Variants in EPAS1 observed in about 807,000 individuals in gnomAD.
The protein encoded by EPAS1 is endothelial PAS domain-containing protein 1.
Under a neutral mutation model 87.9 loss-of-function variants are expected in EPAS1, and 23 were observed. The observed-to-expected ratio is 0.26, with a 90% CI of 0.19 to 0.37. The LOEUF is 0.37. Ranked by LOEUF, EPAS1 falls within the 10% of genes least tolerant of loss-of-function variation. EPAS1 has a pLI of 1.00. For missense variants in EPAS1, 1,138 were observed against 1,120.7 expected (o/e 1.02, Z -0.22); for synonymous variants, 508 against 444.3 (o/e 1.14, Z -1.80).
chr2:46,342,919 C>T lies in EPAS1; in HGVS notation c.27-3954C>T, dbSNP rs190689497. On this transcript the variant is annotated intron_variant, in intron 1 of 15. Coordinates refer to ENST00000263734, the MANE Select transcript of EPAS1 (RefSeq NM_001430.5). ...GTTGTTAACTTTAGCTGGGATCAAA[C>T]GTTTCAGAATGTGAGTTTCCACCTC... is the stretch of plus-strand genomic sequence containing the variant. Among the ~76,000 whole-genome samples, 63 of 152,204 alleles carry T rather than the reference C, an allele frequency of 4.1e-4. No individual in the cohort carries two copies. The East Asian group carries it at 0.011, about 27-fold the overall frequency.
chr2:46,323,686 A>G (rs765939071), intron 1 of EPAS1, among the ~76,000 whole-genome samples: 1 of 152,242 alleles, frequency 6.6e-6, no homozygotes, highest in Non-Finnish European at 1.5e-5. Flanking sequence ...TTCTTATGGC[A>G]TAAGAGACTG....
chr2:46,383,303 G>A (rs1684943030), intron 15 of EPAS1, among the ~76,000 whole-genome samples: 3 of 152,214 alleles, frequency 2.0e-5, no homozygotes, highest in Non-Finnish European at 4.4e-5. Context: ...AGCTCTGGTA[G>A]GCCCACCCCA....
At chr2:46,350,434 T>C (rs1428569809) in intron 2 of EPAS1, among the ~76,000 whole-genome samples, 1 of 152,254 alleles carries the variant, frequency 6.6e-6, no homozygotes, top group African/African-American at 2.4e-5. Context: ...CTGTTCTGTG[T>C]GGGAATGTTG....
chr2:46,376,847 T>G, intron 9 of EPAS1, 94 bp downstream of exon 9: 2 of 1,334,172 alleles, frequency 1.5e-6, no homozygotes, highest in Non-Finnish European at 2.1e-6. Flanking sequence ...CAGCTTTTTC[T>G]TAACCAGAGC....
At chr2:46,326,237 G>T (rs980789649) in intron 1 of EPAS1, among the ~76,000 whole-genome samples, 5 of 152,170 alleles carry the variant, frequency 3.3e-5, no homozygotes, top group Non-Finnish European at 5.9e-5. Context: ...GAAGCAGGGG[G>T]AGTGGGGAAT....
At chr2:46,311,773 G>C (rs1421656877) in intron 1 of EPAS1, among the ~76,000 whole-genome samples, 1 of 152,160 alleles carries the variant, frequency 6.6e-6, no homozygotes, top group Admixed American at 6.5e-5. Flanking sequence ...ACCTTGGCTA[G>C]TGAGATGTTG....
At chr2:46,304,738 A>G (rs1172908749) in intron 1 of EPAS1, among the ~76,000 whole-genome samples, 3 of 152,284 alleles carry the variant, frequency 2.0e-5, no homozygotes, top group East Asian at 1.9e-4. Flanking sequence ...TTCGGACTCC[A>G]TTGTGCAGGA....
chr2:46,379,818 G>A (rs1015452439), intron 11 of EPAS1: 2 of 273,990 alleles, frequency 7.3e-6, no homozygotes, highest in African/African-American at 2.2e-5. Context: ...GGAGGGAGAA[G>A]AGGACAAAAA....
At chr2:46,373,509 A>G (rs574401374) in intron 7 of EPAS1, among the ~76,000 whole-genome samples, 1 of 152,256 alleles carries the variant, frequency 6.6e-6, no homozygotes, top group South Asian at 2.1e-4. Flanking sequence ...TGCTGAGTGT[A>G]GAGAAGCCAG....
At chr2:46,372,389 C>A (rs895121283) in intron 7 of EPAS1, among the ~76,000 whole-genome samples, 1 of 152,200 alleles carries the variant, frequency 6.6e-6, no homozygotes, top group Non-Finnish European at 1.5e-5. Flanking sequence ...ACTGGAGGCT[C>A]AGGTTTGAGA....
chr2:46,383,873 C>T (rs1000897694), intron 15 of EPAS1, among the ~76,000 whole-genome samples: 2 of 152,124 alleles, frequency 1.3e-5, no homozygotes, highest in African/African-American at 2.4e-5. Flanking sequence ...GCCACTGGAA[C>T]GAGGCTCTGC....
chr2:46,305,352 T>A (rs2104837481), intron 1 of EPAS1, among the ~76,000 whole-genome samples: 1 of 152,348 alleles, frequency 6.6e-6, no homozygotes, highest in African/African-American at 2.4e-5. Context: ...TTTGCTTGAC[T>A]GCCTTAGGCT....
At chr2:46,384,351 C>T (rs1308987028) in intron 15 of EPAS1, 158 bp from the exon 16 acceptor site, 23 of 1,041,604 alleles carry the variant, frequency 2.2e-5, no homozygotes, top group East Asian at 7.2e-5. Flanking sequence ...GAGGCAGACA[C>T]GTTCCCCGGG....
intron 1 of EPAS1, among the ~76,000 whole-genome samples, chr2:46,306,488 G>C (rs1453353534): frequency 6.6e-6 from 1 of 152,188 alleles, no homozygotes; most frequent in East Asian, 1.9e-4. Flanking sequence ...GAGCACAAAA[G>C]GGTGACTCAA....
In EPAS1 at chr2:46,363,187, C is replaced by T. The variant is rs1488792402; in HGVS notation, c.779+2097C>T. ...CAGTAGTCTTGTGAGATAACATGGA[C>T]AATCCCACTGCATAGCCCCTGTGTC... is the stretch of plus-strand genomic sequence containing the variant. On this transcript the variant is annotated intron_variant, in intron 6 of 15. Transcript: ENST00000263734. 1.3e-5 allele frequency among the ~76,000 whole-genome samples: 2 copies of T among 152,314 alleles called. 1 individual carries two copies.
At chr2:46,310,979 C>G (rs1683199625) in intron 1 of EPAS1, among the ~76,000 whole-genome samples, 1 of 152,194 alleles carries the variant, frequency 6.6e-6, no homozygotes, top group Admixed American at 6.5e-5. Flanking sequence ...CAGGTTCACG[C>G]CATTCTCCTG....
intron 1 of EPAS1, among the ~76,000 whole-genome samples, chr2:46,345,728 A>G (rs901094964): frequency 6.6e-6 from 1 of 152,154 alleles, no homozygotes; most frequent in Non-Finnish European, 1.5e-5. Context: ...CCTTTCTCCT[A>G]TATAATTTAT....
intron 1 of EPAS1, among the ~76,000 whole-genome samples, chr2:46,335,448 A>G (rs1241733161): frequency 7.9e-6 from 1 of 126,276 alleles, no homozygotes; most frequent in African/African-American, 3.0e-5. Context: ...TGCCAGGGGA[A>G]TTTCTGCCCC....
At chr2:46,377,823 T>G in intron 9 of EPAS1, 71 bp from the exon 10 acceptor site, 2 of 1,551,242 alleles carry the variant, frequency 1.3e-6, no homozygotes, top group East Asian at 4.9e-5. Context: ...TCTGCGGTTT[T>G]TGGGCCTCCT....
Sources: gnomAD v4.1 joint callset for allele counts (sites outside exome capture counted in the v4.1 genomes callset) on GRCh38, gnomAD v4.1.1 for gene constraint, MANE v1.5 for transcripts, NCBI Gene and HGNC (gene_info 2026-07-23, HGNC 2026-07-21) for gene names.